STRAP: variants seen among roughly 807,000 people sequenced by gnomAD.
STRAP encodes serine-threonine kinase receptor-associated protein.
Under a neutral mutation model 47.0 loss-of-function variants are expected in STRAP, and 16 were observed. The ratio of observed to expected loss-of-function variants is 0.34; its 90% CI spans 0.23 to 0.52. The LOEUF is 0.52. Ranked by LOEUF, STRAP falls within the 20% of genes least tolerant of loss-of-function variation. The pLI is 0.96. For missense variants in STRAP, 293 were observed against 420.0 expected (o/e 0.70, Z 2.64); for synonymous variants, 130 against 142.7 (o/e 0.91, Z 0.63).
In STRAP at chr12:15,882,727, C is replaced by T; in HGVS notation, c.20C>T (p.Pro7Leu). The change falls in exon 1 of 10, where the codon CCG becomes CTG. Residue 7 changes from proline to leucine, a missense_variant. Physicochemically the swap from Pro to Leu is moderately conservative, Grantham distance 98. Coordinates refer to ENST00000419869, the MANE Select transcript of STRAP (RefSeq NM_007178.4). MAMRQT[P>L]LTCSGHTRPV... ...GCCGCCATGGCAATGAGACAGACGC[C>T]GCTCACCTGCTCTGGCCACACGCGA... 6.2e-7 allele frequency: 1 copy of T among 1,612,264 alleles called. No individual in the cohort carries two copies.
chr12:15,890,132 T>A lies in STRAP; in HGVS notation c.330+123T>A. On this transcript the variant is annotated intron_variant, in intron 3 of 9. Coordinates refer to ENST00000419869, the MANE Select transcript of STRAP (RefSeq NM_007178.4). The surrounding 1 kb of genome is among the most constrained non-coding windows in gnomAD (Gnocchi z 4.5). ...TTTTGTGTGGAATATTTGTTATTTC[T>A]TGGTTCATATTTGATTTGATTGTGT... The A allele has an allele frequency of 5.5e-6, 5 of 907,170 alleles. No homozygotes were observed. The highest frequency in any genetic ancestry group is 1.6e-5 in the South Asian group (1 of 61,750). 56.2% of individuals were successfully genotyped at this position (907,170 alleles called of 1,614,324 possible).
rs534629652 is a variant in STRAP, at chr12:15,903,106, C to G, written c.*128C>G. ...GTAAATAATGAGGAAAATGAATTAG[C>G]TCCAGTGCTGGAACAACTAACTAAC... On this transcript the variant is annotated 3_prime_UTR_variant, in exon 10 of 10. Coordinates refer to ENST00000419869, the MANE Select transcript of STRAP (RefSeq NM_007178.4). 15 of 1,048,046 alleles carry G rather than the reference C, an allele frequency of 1.4e-5. No homozygotes were observed. Among genetic ancestry groups the G allele is most frequent in the East Asian group, 2.7e-5 (1 of 37,262 alleles). 64.9% of individuals were successfully genotyped at this position (1,048,046 alleles called of 1,614,324 possible). A position where few individuals can be genotyped will look rare whatever the true frequency, so the allele number is the denominator to read the frequency against.
At chr12:15,893,659 ATTATAC>A (rs946324475) in intron 4 of STRAP, among the ~76,000 whole-genome samples, 6 of 148,028 alleles carry the variant, frequency 4.1e-5, no homozygotes, top group East Asian at 1.9e-4. Context: ...TTTTATATTT[ATTATAC>A]TTATACAATT....
intron 2 of STRAP, among the ~76,000 whole-genome samples, chr12:15,889,664 A>G (rs1402789365): frequency 3.3e-5 from 5 of 152,152 alleles, no homozygotes; most frequent in Admixed American, 2.0e-4. Context: ...ACTTGCTTAA[A>G]TTGTTCATAT....
Position 15,890,064 on chromosome 12 carries a change from T to C in STRAP, c.330+55T>C, listed in dbSNP as rs947665963. The C allele has an allele frequency of 3.0e-5, 44 of 1,447,360 alleles. No individual in the cohort carries two copies. The highest frequency in any genetic ancestry group is 4.1e-5 in the Non-Finnish European group (42 of 1,029,272). The allele number at this position is 1,447,360 out of a possible 1,614,324, so 89.7% of individuals were successfully genotyped here. On this transcript the variant is annotated intron_variant, in intron 3 of 9. Coordinates refer to ENST00000419869, the MANE Select transcript of STRAP (RefSeq NM_007178.4). The surrounding 1 kb of genome is among the most constrained non-coding windows in gnomAD (Gnocchi z 4.5). ...GTTAAGTTGCTGGTACATAGTGTGA[T>C]AATGCTTTTATACTTGATTGGTGTG...
intron 9 of STRAP, 56 bp downstream of exon 9, chr12:15,901,068 G>C: frequency 7.4e-7 from 1 of 1,347,672 alleles, no homozygotes; most frequent in Non-Finnish European, 9.9e-7. Context: ...AAATTGAACT[G>C]TAACAGAAGT....
At chr12:15,901,551 T>G (rs1321364634) in intron 9 of STRAP, among the ~76,000 whole-genome samples, 1 of 152,136 alleles carries the variant, frequency 6.6e-6, no homozygotes, top group Non-Finnish European at 1.5e-5. Flanking sequence ...AGCTAGATCA[T>G]CTGAGGGCCT....
rs1010675041 is a variant in STRAP, at chr12:15,890,744, T to G, written c.403+75T>G. On this transcript the variant is annotated intron_variant, in intron 4 of 9. Coordinates refer to ENST00000419869, the MANE Select transcript of STRAP (RefSeq NM_007178.4). The surrounding 1 kb of genome is among the most constrained non-coding windows in gnomAD (Gnocchi z 4.5). ...AATAACTGATTAAAGAATTTCATGC[T>G]CAGTACTCAAATTTGGAAAATAAAG... 1.3e-5 allele frequency: 17 copies of G among 1,318,592 alleles called. No individual in the cohort carries two copies. The Admixed American group carries it at 3.5e-4, about 27-fold the overall frequency. The allele number at this position is 1,318,592 out of a possible 1,614,324, so 81.7% of individuals were successfully genotyped here. A position where few individuals can be genotyped will look rare whatever the true frequency, so the allele number is the denominator to read the frequency against.
At position 15,892,160 on chromosome 12, in the gene STRAP, C is replaced by T. The variant is rs75631384; in HGVS notation, c.403+1491C>T. On this transcript the variant is annotated intron_variant, in intron 4 of 9. Transcript: ENST00000419869. ...ATTGAATACCATTTTAATATATTCC[C>T]TTTTTTATGGAATAATTGCCTGTCT... Among the ~76,000 whole-genome samples, 1,261 of 152,028 alleles carry T rather than the reference C, an allele frequency of 8.3e-3. 18 individuals carry two copies. The highest frequency in any genetic ancestry group is 0.028 in the African/African-American group (1,168 of 41,458).
chr12:15,903,027 C>T lies in STRAP; in HGVS notation c.*49C>T, dbSNP rs1200208516. On this transcript the variant is annotated 3_prime_UTR_variant, in exon 10 of 10. Transcript: ENST00000419869. The stretch of plus-strand genomic sequence containing the variant: ...TATACAACTGACTAAAACAAGCAAG[C>T]AGAGAAAAGCATCAGCCTTCCAGAG... 2.1e-6 allele frequency: 3 copies of T among 1,445,746 alleles called. No homozygotes were observed. Among genetic ancestry groups the T allele is most frequent in the Non-Finnish European group, 2.7e-6 (3 of 1,098,478 alleles). 89.6% of individuals were successfully genotyped at this position (1,445,746 alleles called of 1,614,324 possible).
rs757041835 is a variant in STRAP at position 15,890,745 on chromosome 12, C to G, written c.403+76C>G. ...ATAACTGATTAAAGAATTTCATGCT[C>G]AGTACTCAAATTTGGAAAATAAAGA... On this transcript the variant is annotated intron_variant, in intron 4 of 9. Transcript: ENST00000419869. This position sits in a 1 kb window ranked among gnomAD's most constrained non-coding sequence, Gnocchi z 4.5. 6.9e-6 allele frequency: 9 copies of G among 1,312,456 alleles called. No individual in the cohort carries two copies. Among genetic ancestry groups the G allele is most frequent in the Non-Finnish European group, 9.6e-6 (9 of 936,900 alleles). 81.3% of individuals were successfully genotyped at this position (1,312,456 alleles called of 1,614,324 possible).
chr12:15,898,453 C>T (rs1051152422), intron 7 of STRAP, among the ~76,000 whole-genome samples: 3 of 151,992 alleles, frequency 2.0e-5, no homozygotes, highest in Admixed American at 1.3e-4. Context: ...CCTAAGACTC[C>T]GTAAAGAACA....
At chr12:15,889,831 C>G (rs2136109377) in intron 2 of STRAP, 97 bp from the exon 3 acceptor site, 2 of 888,010 alleles carry the variant, frequency 2.3e-6, no homozygotes, top group Non-Finnish European at 3.5e-6. Flanking sequence ...TTTCACATAT[C>G]TAACTTATTT....
At chr12:15,882,883 C>T in intron 1 of STRAP, 64 bp downstream of exon 1, 1 of 1,520,110 alleles carries the variant, frequency 6.6e-7, no homozygotes, top group Non-Finnish European at 9.0e-7. Flanking sequence ...TCGGGACCCG[C>T]ACGCTCCAGT....
chr12:15,884,583 C>A (rs1947953318), intron 2 of STRAP, among the ~76,000 whole-genome samples: 1 of 146,728 alleles, frequency 6.8e-6, no homozygotes, highest in Admixed American at 6.8e-5. Flanking sequence ...TTTTTTAATA[C>A]TTTTTACTAT....
In STRAP at chr12:15,899,910, A is replaced by G. The variant is rs1465717027; in HGVS notation, c.782A>G (p.Tyr261Cys). The G allele has an allele frequency of 1.9e-6, 3 of 1,612,244 alleles. No homozygotes were observed. Among genetic ancestry groups the G allele is most frequent in the South Asian group, 1.1e-5 (1 of 90,842 alleles). The change falls in exon 8 of 10, where the codon TAC becomes TGC. Residue 261 changes from tyrosine to cysteine, a missense_variant. By Grantham distance (194) the Tyr-to-Cys change is radical (BLOSUM62 -2). This residue lies in a region of STRAP where 26 missense variants were observed against 76.7 expected (regional missense o/e 0.34). Transcript: ENST00000419869. ...TAGCCCTCTTCTTTTTCAGAATCCT[A>G]CAAGGGACACTTTGGTCCTATTCAC... ...DYNSGEELES[Y>C]KGHFGPIHCV... is the part of the protein sequence containing the mutation.
At chr12:15,885,488 C>CTTTTT (rs5796649) in intron 2 of STRAP, among the ~76,000 whole-genome samples, 6,073 of 132,296 alleles carry the variant, frequency 0.046, 505 homozygotes, top group African/African-American at 0.16. Context: ...CGTGCCTGGC[C>CTTTTT]TTTTTTTTTT....
intron 9 of STRAP, among the ~76,000 whole-genome samples, chr12:15,901,725 G>T (rs1370968143): frequency 6.6e-6 from 1 of 151,922 alleles, no homozygotes; most frequent in Non-Finnish European, 1.5e-5. Context: ...GCCGGTCATG[G>T]TGGCAGATAC....
At chr12:15,898,685 T>A (rs1465933556) in intron 7 of STRAP, among the ~76,000 whole-genome samples, 2 of 152,210 alleles carry the variant, frequency 1.3e-5, no homozygotes, top group Admixed American at 1.3e-4. Context: ...CATAGTTACA[T>A]GTGGTTCTCA....
Sources: allele counts gnomAD v4.1 joint callset (sites outside exome capture counted in the v4.1 genomes callset), GRCh38; gene constraint gnomAD v4.1.1; regional missense constraint gnomAD v4.1.1; non-coding constraint Gnocchi (gnomAD v3.1); transcripts MANE v1.5; gene names NCBI Gene and HGNC (gene_info 2026-07-23, HGNC 2026-07-21).